The following FARS2 variants were observed in gnomAD, a reference collection of about 807,000 sequenced individuals.
FARS2 encodes phenylalanyl-tRNA synthetase 2, mitochondrial.
A neutral mutation model predicts 46.4 loss-of-function variants in FARS2; 40 were observed. That is an observed-to-expected ratio of 0.86 (90% CI 0.67 to 1.12). The LOEUF is 1.12. FARS2 is among the 50% of genes most tolerant of loss of function. The pLI, the probability that FARS2 is intolerant of heterozygous loss-of-function variation, is 0.00. For missense variants in FARS2, 513 were observed against 567.9 expected (o/e 0.90, Z 0.98); for synonymous variants, 234 against 214.9 (o/e 1.09, Z -0.78).
intron 2 of FARS2, among the ~76,000 whole-genome samples, chr6:5,404,033 A>G (rs565074667): frequency 3.5e-4 from 53 of 152,322 alleles, no homozygotes; most frequent in Non-Finnish European, 6.8e-4. Flanking sequence ...AGGCTTAGCT[A>G]CTGTATCACT....
At position 5,435,333 on chromosome 6, in the gene FARS2, T is replaced by A. The variant is rs368886832; in HGVS notation, c.904+4161T>A. On this transcript the variant is annotated intron_variant, in intron 4 of 6. Coordinates refer to ENST00000274680, the MANE Select transcript of FARS2 (RefSeq NM_006567.5). The stretch of plus-strand genomic sequence containing the variant: ...TATGCCACCATGTGTGTTCTCTCCC[T>A]GTGATAGAGTGTATTTAATTAAAGC... Among the ~76,000 whole-genome samples, 31 of 152,378 alleles carry A rather than the reference T, an allele frequency of 2.0e-4. 1 individual carries two copies. In the East Asian group the frequency reaches 3.5e-3, roughly 17 times the overall value.
intron 6 of FARS2, among the ~76,000 whole-genome samples, chr6:5,648,368 C>A (rs943266766): frequency 6.6e-6 from 1 of 152,216 alleles, no homozygotes; most frequent in African/African-American, 2.4e-5. Context: ...CCCCCCAGAT[C>A]TCCATGTCGT....
intron 4 of FARS2, among the ~76,000 whole-genome samples, chr6:5,538,957 T>C (rs1396880523): frequency 6.6e-6 from 1 of 152,172 alleles, no homozygotes; most frequent in Admixed American, 6.5e-5. Flanking sequence ...CATGAGGGTC[T>C]GGTCCATAAG....
At chr6:5,407,275 TCA>T (rs1761669852) in intron 3 of FARS2, among the ~76,000 whole-genome samples, 1 of 151,962 alleles carries the variant, frequency 6.6e-6, no homozygotes, top group Non-Finnish European at 1.5e-5. Context: ...ACTTCAGTAC[TCA>T]CTGTTCTTGA....
chr6:5,282,885 A>G (rs1766838366), intron 1 of FARS2, among the ~76,000 whole-genome samples: 1 of 152,198 alleles, frequency 6.6e-6, no homozygotes, highest in African/African-American at 2.4e-5. Context: ...GGCTGGCTGA[A>G]CAGCAGGGAT....
At chr6:5,403,361 C>CA (rs1364195394) in intron 2 of FARS2, among the ~76,000 whole-genome samples, 4 of 152,138 alleles carry the variant, frequency 2.6e-5, no homozygotes, top group African/African-American at 9.7e-5. Context: ...TTTAGGGACT[C>CA]AAACACCCCA....
chr6:5,654,013 T>A (rs1448475536), intron 6 of FARS2, among the ~76,000 whole-genome samples: 1 of 152,158 alleles, frequency 6.6e-6, no homozygotes, highest in East Asian at 1.9e-4. Flanking sequence ...TGTGTAAGTA[T>A]AGTATCAGTG....
chr6:5,687,865 T>C (rs1386110458), intron 6 of FARS2, among the ~76,000 whole-genome samples: 1 of 152,238 alleles, frequency 6.6e-6, no homozygotes, highest in African/African-American at 2.4e-5. Flanking sequence ...TTGTATCCTC[T>C]TTTATTTCTT....
chr6:5,585,430 T>A (rs927733241), intron 5 of FARS2, among the ~76,000 whole-genome samples: 1 of 152,104 alleles, frequency 6.6e-6, no homozygotes, highest in Non-Finnish European at 1.5e-5. Flanking sequence ...AATTTATTAA[T>A]CTTATAACTA....
Position 5,539,384 on chromosome 6 carries a change from G to GTGTATATATATA in FARS2, c.905-5795_905-5794insGTATATATATAT. On this transcript the variant is annotated intron_variant, in intron 4 of 6. Transcript: ENST00000274680. ...ACCATGCCCACCTAATTTTTTTTGT[G>GTGTATATATATA]TATATATATATATATGTATATATTT... 2.4e-4 allele frequency among the ~76,000 whole-genome samples: 19 copies of GTGTATATATATA among 79,574 alleles called. 3 individuals carry two copies. Among genetic ancestry groups the GTGTATATATATA allele is most frequent in the South Asian group, 6.9e-4 (2 of 2,888 alleles). The allele number at this position is 79,574 out of a possible 152,430, so 52.2% of individuals were successfully genotyped here. A position where few individuals can be genotyped will look rare whatever the true frequency, so the allele number is the denominator to read the frequency against.
chr6:5,543,594 C>T (rs1770767603), intron 4 of FARS2, among the ~76,000 whole-genome samples: 1 of 152,156 alleles, frequency 6.6e-6, no homozygotes, highest in Admixed American at 6.5e-5. Context: ...AACTCCTGAC[C>T]TCGTGATCTG....
chr6:5,608,934 A>C (rs1413575083), intron 5 of FARS2, among the ~76,000 whole-genome samples: 1 of 152,020 alleles, frequency 6.6e-6, no homozygotes, highest in Non-Finnish European at 1.5e-5. Context: ...AGACTATTAC[A>C]TTTAGCAATC....
chr6:5,603,058 G>A (rs528930464), intron 5 of FARS2, among the ~76,000 whole-genome samples: 14 of 152,232 alleles, frequency 9.2e-5, no homozygotes, highest in Middle Eastern at 3.4e-3. Flanking sequence ...AGGCCTGACC[G>A]ATTTCGGCTG....
At chr6:5,283,301 A>T (rs1198538289) in intron 1 of FARS2, among the ~76,000 whole-genome samples, 6 of 143,182 alleles carry the variant, frequency 4.2e-5, no homozygotes, top group African/African-American at 1.6e-4. Context: ...TGAACCTGGG[A>T]GGTGGATGTT....
At chr6:5,404,793 T>A in intron 3 of FARS2, 92 bp downstream of exon 3, 1 of 903,868 alleles carries the variant, frequency 1.1e-6, no homozygotes, top group Non-Finnish European at 1.6e-6. Flanking sequence ...TTTTTCATAT[T>A]TTGAAATTCT....
chr6:5,513,985 G>A (rs985203566), intron 4 of FARS2, among the ~76,000 whole-genome samples: 2 of 151,916 alleles, frequency 1.3e-5, no homozygotes, highest in African/African-American at 2.4e-5. Context: ...CTTCATTGGG[G>A]ATTTGTGTTC....
intron 4 of FARS2, among the ~76,000 whole-genome samples, chr6:5,461,109 G>A (rs185533984): frequency 6.6e-6 from 1 of 151,236 alleles, no homozygotes; most frequent in East Asian, 2.0e-4. Flanking sequence ...CATGATCTCA[G>A]CTCACTGGAA....
At chr6:5,638,775 G>A (rs1776668165) in intron 6 of FARS2, among the ~76,000 whole-genome samples, 1 of 152,140 alleles carries the variant, frequency 6.6e-6, no homozygotes, top group Admixed American at 6.5e-5. Flanking sequence ...TCTGTGGCAT[G>A]TTCAGTTTCC....
intron 4 of FARS2, among the ~76,000 whole-genome samples, chr6:5,507,618 G>T (rs1168278360): frequency 1.3e-5 from 2 of 152,216 alleles, no homozygotes; most frequent in African/African-American, 4.8e-5. Flanking sequence ...AAGCAGAGCT[G>T]TTCATTGTCA....
Sources: allele counts gnomAD v4.1 joint callset (sites outside exome capture counted in the v4.1 genomes callset), GRCh38; gene constraint gnomAD v4.1.1; transcripts MANE v1.5; gene names NCBI Gene and HGNC (gene_info 2026-07-23, HGNC 2026-07-21).